SERAC1: variants seen among roughly 807,000 people sequenced by gnomAD.
The protein encoded by SERAC1 is serine active site containing 1.
Under a neutral mutation model 85.7 loss-of-function variants are expected in SERAC1, and 36 were observed. The ratio of observed to expected loss-of-function variants is 0.42; its 90% CI spans 0.32 to 0.55. SERAC1 has a LOEUF of 0.55. Among genes scored for constraint, SERAC1 ranks in the 20% least tolerant of loss-of-function variants. The pLI is 0.11. For missense variants in SERAC1, 629 were observed against 796.2 expected (o/e 0.79, Z 2.53); for synonymous variants, 242 against 265.3 (o/e 0.91, Z 0.85).
intron 10 of SERAC1, among the ~76,000 whole-genome samples, chr6:158,121,174 T>C (rs893322449): frequency 6.6e-6 from 1 of 152,058 alleles, no homozygotes; most frequent in African/African-American, 2.4e-5. Context: ...TATACATAAA[T>C]ATAAAAGTAC....
Position 158,111,513 on chromosome 6 carries a change from TAA to T in SERAC1, c.1829-13_1829-12del, listed in dbSNP as rs1259893440. On this transcript the variant is annotated splice_polypyrimidine_tract_variant and intron_variant, in intron 16 of 16. Coordinates refer to ENST00000647468, the MANE Select transcript of SERAC1 (RefSeq NM_032861.4). ...CTCCAATGCCTAAATCTGAAGAAAA[TAA>T]AAAAGTCAATAAACCTAAGTAAAAA... 1.3e-6 allele frequency: 2 copies of T among 1,568,382 alleles called. No homozygotes were observed. Among genetic ancestry groups the T allele is most frequent in the Non-Finnish European group, 1.7e-6 (2 of 1,162,160 alleles).
intron 3 of SERAC1, 149 bp from the exon 4 acceptor site, chr6:158,150,738 G>C: frequency 3.1e-6 from 2 of 644,426 alleles, no homozygotes; most frequent in Non-Finnish European, 5.5e-6. Flanking sequence ...CATTTATACA[G>C]TCATGTATCA....
At chr6:158,133,428 C>G (rs1258311648) in intron 8 of SERAC1, among the ~76,000 whole-genome samples, 1 of 136,442 alleles carries the variant, frequency 7.3e-6, no homozygotes, top group Non-Finnish European at 1.5e-5. Flanking sequence ...CTCTGTCGCC[C>G]AGGCTGGAGT....
chr6:158,126,857 C>T (rs111934475), intron 10 of SERAC1, among the ~76,000 whole-genome samples: 9 of 152,174 alleles, frequency 5.9e-5, no homozygotes, highest in African/African-American at 2.2e-4. Context: ...TCGAGACCAA[C>T]CTAGGCAACA....
rs552806526 is a variant in SERAC1 at position 158,111,188 on chromosome 6, G to A, written c.*178C>T. On this transcript the variant is annotated 3_prime_UTR_variant, in exon 17 of 17. Coordinates refer to ENST00000647468, the MANE Select transcript of SERAC1 (RefSeq NM_032861.4). Reference sequence around the variant, plus strand: ...CCTTCCTTCTGTGCCTGCCACTTCCGGGTTGGTGCTTTACAGCGCTTGAAG... The same window carrying A: ...CCTTCCTTCTGTGCCTGCCACTTCCAGGTTGGTGCTTTACAGCGCTTGAAG... 2.0e-5 allele frequency: 10 copies of A among 493,964 alleles called. No individual in the cohort carries two copies. Among genetic ancestry groups the A allele is most frequent in the African/African-American group, 9.9e-5 (5 of 50,484 alleles). The allele number at this position is 493,964 out of a possible 1,614,324, so 30.6% of individuals were successfully genotyped here. A position where few individuals can be genotyped will look rare whatever the true frequency, so the allele number is the denominator to read the frequency against.
intron 12 of SERAC1, among the ~76,000 whole-genome samples, chr6:158,118,409 A>AT (rs1784341580): frequency 1.3e-5 from 2 of 152,178 alleles, no homozygotes; most frequent in Non-Finnish European, 2.9e-5. Context: ...CATTCAATGA[A>AT]TTCATTCCAG....
chr6:158,130,227 A>G, intron 9 of SERAC1, 146 bp downstream of exon 9: 1 of 467,068 alleles, frequency 2.1e-6, no homozygotes, highest in Non-Finnish European at 3.8e-6. Flanking sequence ...CTAACAATTA[A>G]AATTGGAGGA....
chr6:158,155,873 G>A (rs1025747373), intron 2 of SERAC1, among the ~76,000 whole-genome samples: 2 of 152,174 alleles, frequency 1.3e-5, no homozygotes, highest in African/African-American at 4.8e-5. Flanking sequence ...GGCCGGGTGC[G>A]GTGGCTCACG....
rs1286544200 is a variant in SERAC1, at chr6:158,110,618, A to G, written c.*748T>C. ...GAGAATCTTGATACTAAGAATTGCTAATTCATATAATGGCTTAGAATAGTT... is the reference window on the plus strand; with the variant it reads ...GAGAATCTTGATACTAAGAATTGCTGATTCATATAATGGCTTAGAATAGTT... On this transcript the variant is annotated 3_prime_UTR_variant, in exon 17 of 17. Coordinates refer to ENST00000647468, the MANE Select transcript of SERAC1 (RefSeq NM_032861.4). 6.6e-6 allele frequency: 1 copy of G among 152,240 alleles called. No homozygotes were observed. Among genetic ancestry groups the G allele is most frequent in the Non-Finnish European group, 1.5e-5 (1 of 68,052 alleles). 9.4% of individuals were successfully genotyped at this position (152,240 alleles called of 1,614,324 possible).
intron 10 of SERAC1, among the ~76,000 whole-genome samples, chr6:158,127,228 G>T: frequency 6.6e-6 from 1 of 152,060 alleles, no homozygotes; most frequent in East Asian, 1.9e-4. Flanking sequence ...GTAGAGCCTT[G>T]TCTATTGAAA....
intron 3 of SERAC1, chr6:158,152,938 CAT>C (rs1188504206): frequency 2.6e-5 from 4 of 152,148 alleles, no homozygotes; most frequent in Admixed American, 1.3e-4. Context: ...ATTATTGACA[CAT>C]GACTGTATAT....
Position 158,148,966 on chromosome 6 carries a change from A to T in SERAC1, c.266-12T>A. 1.9e-6 allele frequency: 3 copies of T among 1,574,148 alleles called. No individual in the cohort carries two copies. Among genetic ancestry groups the T allele is most frequent in the Non-Finnish European group, 2.6e-6 (3 of 1,158,112 alleles). ...CTGCCAGGCAATACCTAAAATGATT[A>T]TAAAATTAAGTAAAACCAAGAATGT... On this transcript the variant is annotated splice_polypyrimidine_tract_variant and intron_variant, in intron 4 of 16. Coordinates refer to ENST00000647468, the MANE Select transcript of SERAC1 (RefSeq NM_032861.4).
chr6:158,136,515 C>T (rs1454144274), intron 8 of SERAC1, among the ~76,000 whole-genome samples: 2 of 152,130 alleles, frequency 1.3e-5, no homozygotes, highest in Non-Finnish European at 1.5e-5. Flanking sequence ...GATGGGGTTT[C>T]ACTATGTTGC....
At chr6:158,132,366 C>T (rs1208511854) in intron 8 of SERAC1, among the ~76,000 whole-genome samples, 2 of 152,070 alleles carry the variant, frequency 1.3e-5, no homozygotes, top group Admixed American at 6.6e-5. Context: ...TTTAAACATG[C>T]TTGGATCTCA....
chr6:158,117,785 T>C lies in SERAC1; in HGVS notation c.1345A>G (p.Ile449Val), dbSNP rs80329524. The change falls in exon 13 of 17, where the codon ATA becomes GTA. Residue 449 changes from isoleucine (I) to valine (V), a missense_variant. Ile to Val is a conservative substitution (Grantham distance 29). Coordinates refer to ENST00000647468, the MANE Select transcript of SERAC1 (RefSeq NM_032861.4). The surrounding 1 kb of genome is among the most constrained non-coding windows in gnomAD (Gnocchi z 4.3). Reference protein sequence around the residue: ...LAKDCPALRIISVEYDTSLSD... With the variant: ...LAKDCPALRIVSVEYDTSLSD... Reference sequence around the variant, plus strand: ...AGGCTGGTGTCATACTCCACAGATATAATTCGGAGAGCAGGACAGTCTTTT... The same window carrying C: ...AGGCTGGTGTCATACTCCACAGATACAATTCGGAGAGCAGGACAGTCTTTT... 3.7e-6 allele frequency: 6 copies of C among 1,614,160 alleles called. No homozygotes were observed. Among genetic ancestry groups the C allele is most frequent in the South Asian group, 2.2e-5 (2 of 91,080 alleles).
chr6:158,137,603 CGGT>C (rs1292484257), intron 8 of SERAC1, among the ~76,000 whole-genome samples: 9 of 152,136 alleles, frequency 5.9e-5, no homozygotes, highest in African/African-American at 2.2e-4. Context: ...GGGCCAGGCA[CGGT>C]GGCTCTCACC....
At position 158,109,525 on chromosome 6, in the gene SERAC1, A is replaced by G. The variant is rs1377237895; in HGVS notation, c.*1841T>C. The stretch of plus-strand genomic sequence containing the variant: ...TGTACAATGAAACAATTAATTGTTG[A>G]TATCGAGTTTATTGATGAGCCATTT... On this transcript the variant is annotated 3_prime_UTR_variant, in exon 17 of 17. Coordinates refer to ENST00000647468, the MANE Select transcript of SERAC1 (RefSeq NM_032861.4). The G allele has an allele frequency of 6.6e-6, 1 of 152,210 alleles. No homozygotes were observed. The highest frequency in any genetic ancestry group is 2.4e-5 in the African/African-American group (1 of 41,456). The allele number at this position is 152,210 out of a possible 1,614,324, so 9.4% of individuals were successfully genotyped here. A position where few individuals can be genotyped will look rare whatever the true frequency, so the allele number is the denominator to read the frequency against.
intron 8 of SERAC1, among the ~76,000 whole-genome samples, chr6:158,139,368 AC>A (rs1313362326): frequency 6.6e-6 from 1 of 152,206 alleles, no homozygotes; most frequent in African/African-American, 2.4e-5. Flanking sequence ...AAGAATTCTT[AC>A]AATTCAACAA....
At position 158,151,428 on chromosome 6, in the gene SERAC1, A is replaced by ATT. The variant is rs60806678; in HGVS notation, c.129-841_129-840dup. On this transcript the variant is annotated intron_variant, in intron 3 of 16. Transcript: ENST00000647468. Reference sequence around the variant, plus strand: ...CAGAGCAAGACCTCGTCTCAAAAAGATTTTTTTTTTTGAGGTGGAGTCTCA... The same window carrying ATT: ...CAGAGCAAGACCTCGTCTCAAAAAGATTTTTTTTTTTTTGAGGTGGAGTCTCA... 6.3e-3 allele frequency among the ~76,000 whole-genome samples: 942 copies of ATT among 148,358 alleles called. 24 individuals are homozygous for ATT. In the East Asian group the frequency reaches 0.11, roughly 17 times the overall value.
Sources: gnomAD v4.1 joint callset for allele counts (sites outside exome capture counted in the v4.1 genomes callset) on GRCh38, gnomAD v4.1.1 for gene constraint, Gnocchi (gnomAD v3.1) non-coding constraint, MANE v1.5 for transcripts, NCBI Gene and HGNC (gene_info 2026-07-23, HGNC 2026-07-21) for gene names.